PTPRR: variants seen among roughly 807,000 people sequenced by gnomAD.
The protein encoded by PTPRR is protein tyrosine phosphatase receptor type R, also known as receptor-type tyrosine-protein phosphatase R.
In PTPRR, 38 loss-of-function variants were observed where a neutral mutation model predicts 77.2. The observed-to-expected ratio is 0.49, with a 90% CI of 0.38 to 0.65. PTPRR has a LOEUF of 0.65. PTPRR is among the 30% of genes least tolerant of loss of function. The pLI is 0.00. For missense variants in PTPRR, 744 were observed against 799.2 expected, an observed-to-expected ratio of 0.93 and a Z score of 0.83; for synonymous variants, 299 against 283.1, an observed-to-expected ratio of 1.06 and a Z score of -0.57.
intron 12 of PTPRR, among the ~76,000 whole-genome samples, chr12:70,658,620 C>T (rs1479117076): frequency 4.0e-5 from 6 of 151,864 alleles, no homozygotes; most frequent in African/African-American, 1.4e-4. Context: ...AGTAGAACAG[C>T]TTGTCTTGAA....
intron 2 of PTPRR, among the ~76,000 whole-genome samples, chr12:70,800,319 G>A (rs1363468025): frequency 6.7e-6 from 1 of 149,496 alleles, no homozygotes; most frequent in Non-Finnish European, 1.5e-5. Context: ...AAGTCCATGA[G>A]TACTTACAAA....
intron 6 of PTPRR, among the ~76,000 whole-genome samples, chr12:70,715,577 CA>C (rs1328846344): frequency 2.0e-5 from 3 of 152,196 alleles, no homozygotes; most frequent in African/African-American, 7.2e-5. Context: ...TGGCCACGCC[CA>C]GGGGGGCCAG....
At chr12:70,654,986 C>T (rs568327863) in intron 13 of PTPRR, among the ~76,000 whole-genome samples, 1 of 152,324 alleles carries the variant, frequency 6.6e-6, no homozygotes, top group East Asian at 1.9e-4. Flanking sequence ...AATTACTGAG[C>T]AGAGACGCCT....
chr12:70,768,606 C>T (rs1890888506), intron 2 of PTPRR, among the ~76,000 whole-genome samples: 1 of 152,168 alleles, frequency 6.6e-6, no homozygotes, highest in Admixed American at 6.5e-5. Context: ...ACCATTCCTT[C>T]TGAAACTATT....
At chr12:70,915,707 C>G (rs776261988) in intron 1 of PTPRR, among the ~76,000 whole-genome samples, 11 of 152,138 alleles carry the variant, frequency 7.2e-5, no homozygotes, top group Non-Finnish European at 1.3e-4. Context: ...TTCACAATGA[C>G]AGCAAAATCT....
intron 2 of PTPRR, among the ~76,000 whole-genome samples, chr12:70,830,927 G>A (rs186950594): frequency 5.1e-4 from 78 of 152,264 alleles, no homozygotes; most frequent in East Asian, 2.3e-3. Flanking sequence ...ATTTACCAAC[G>A]AATATTCAGT....
intron 2 of PTPRR, among the ~76,000 whole-genome samples, chr12:70,790,280 C>T (rs1464631814): frequency 6.6e-6 from 1 of 152,130 alleles, no homozygotes; most frequent in Non-Finnish European, 1.5e-5. Flanking sequence ...GTATCAGCTC[C>T]TGTTAAACTA....
intron 2 of PTPRR, among the ~76,000 whole-genome samples, chr12:70,862,334 G>A (rs1892766917): frequency 6.6e-6 from 1 of 151,860 alleles, no homozygotes; most frequent in African/African-American, 2.4e-5. Context: ...GTAGTTAAGT[G>A]GTCAACGATT....
intron 2 of PTPRR, among the ~76,000 whole-genome samples, chr12:70,780,895 C>T (rs115514195): frequency 6.6e-6 from 1 of 152,142 alleles, no homozygotes; most frequent in African/African-American, 2.4e-5. Context: ...TAGGATTCTG[C>T]CTACCTGTAA....
At chr12:70,766,891 G>A (rs550385266) in intron 2 of PTPRR, among the ~76,000 whole-genome samples, 5,452 of 151,982 alleles carry the variant, frequency 0.036, 318 homozygotes, top group African/African-American at 0.12. Context: ...TTTTCAACCC[G>A]GAATTTTATA....
intron 13 of PTPRR, 63 bp downstream of exon 13, chr12:70,656,641 G>T: frequency 8.6e-7 from 1 of 1,166,914 alleles, no homozygotes; most frequent in South Asian, 1.2e-5. Context: ...CATGAAGTCA[G>T]GCTGATGAGA....
chr12:70,681,776 T>A (rs1426865530), intron 10 of PTPRR, among the ~76,000 whole-genome samples: 1 of 152,184 alleles, frequency 6.6e-6, no homozygotes, highest in African/African-American at 2.4e-5. Flanking sequence ...TCTATGGAAA[T>A]CTGTGAGGTA....
At chr12:70,674,437 G>C (rs564262811) in intron 10 of PTPRR, among the ~76,000 whole-genome samples, 1 of 152,100 alleles carries the variant, frequency 6.6e-6, no homozygotes, top group Admixed American at 6.5e-5. Context: ...TTGATGTGTA[G>C]TATTTGCATC....
intron 6 of PTPRR, among the ~76,000 whole-genome samples, chr12:70,722,262 C>T (rs529617490): frequency 3.3e-5 from 5 of 152,218 alleles, no homozygotes; most frequent in East Asian, 3.9e-4. Context: ...AAAGCCTATC[C>T]GGTCCAACAT....
chr12:70,866,239 T>C lies in PTPRR; in HGVS notation c.357+26440A>G, dbSNP rs1892843410. 2.6e-5 allele frequency among the ~76,000 whole-genome samples: 4 copies of C among 151,956 alleles called. No individual in the cohort carries two copies. The South Asian group carries it at 8.3e-4, about 31-fold the overall frequency. ...AAAAACCCTTCAAAAAATTAATGAA[T>C]CCAGGAGGTGGTTTTGTGAAAGGAT... On this transcript the variant is annotated intron_variant, in intron 2 of 13. Transcript: ENST00000283228.
chr12:70,898,840 G>A (rs1393095604), intron 1 of PTPRR, among the ~76,000 whole-genome samples: 1 of 151,364 alleles, frequency 6.6e-6, no homozygotes, highest in Non-Finnish European at 1.5e-5. Flanking sequence ...ACTCTAGCAA[G>A]ACTGACAGAG....
At chr12:70,714,960 T>G (rs949057917) in intron 6 of PTPRR, among the ~76,000 whole-genome samples, 4 of 152,152 alleles carry the variant, frequency 2.6e-5, no homozygotes. Context: ...ACTCCAGCCT[T>G]GGTGACAGAG....
intron 2 of PTPRR, among the ~76,000 whole-genome samples, chr12:70,779,166 C>CTTTTTTTTTTTTTTTTTTTTTTT (rs71899092): frequency 7.0e-6 from 1 of 143,452 alleles, no homozygotes. Flanking sequence ...ATTTTTAAAT[C>CTTTTTTTTTTTTTTTTTTTTTTT]TTTTTTTTTT....
chr12:70,768,334 T>C (rs976609952), intron 2 of PTPRR, among the ~76,000 whole-genome samples: 19 of 152,178 alleles, frequency 1.2e-4, no homozygotes, highest in East Asian at 9.7e-4. Flanking sequence ...GATATCACCA[T>C]CGATCCCACA....
Sources: allele counts gnomAD v4.1 joint callset (sites outside exome capture counted in the v4.1 genomes callset), GRCh38; gene constraint gnomAD v4.1.1; transcripts MANE v1.5; gene names NCBI Gene and HGNC (gene_info 2026-07-23, HGNC 2026-07-21).